The following PLCB1 variants were observed in gnomAD, a reference collection of about 807,000 sequenced individuals.
The protein encoded by PLCB1 is phospholipase C beta 1, also known as 1-phosphatidylinositol 4,5-bisphosphate phosphodiesterase beta-1.
A neutral mutation model predicts 161.8 loss-of-function variants in PLCB1; 46 were observed. That is an observed-to-expected ratio of 0.28 (90% confidence interval 0.22 to 0.36). The LOEUF is 0.36. PLCB1 is among the 10% of genes least tolerant of loss of function. The pLI is 1.00. For missense variants in PLCB1, 1,016 were observed against 1,472.5 expected (o/e 0.69, Z 5.07); for synonymous variants, 517 against 503.7 (o/e 1.03, Z -0.35).
chr20:8,678,322 A>C (rs1990136214), intron 9 of PLCB1, among the ~76,000 whole-genome samples: 1 of 152,216 alleles, frequency 6.6e-6, no homozygotes, highest in African/African-American at 2.4e-5. Flanking sequence ...TAATGTATAC[A>C]TGTGCTACAG....
intron 3 of PLCB1, among the ~76,000 whole-genome samples, chr20:8,588,466 T>A (rs745369074): frequency 3.9e-5 from 6 of 152,146 alleles, no homozygotes; most frequent in Non-Finnish European, 7.4e-5. Context: ...ACCCCTAATG[T>A]GACTTTATTT....
intron 2 of PLCB1, among the ~76,000 whole-genome samples, chr20:8,367,468 G>A (rs1054425018): frequency 6.6e-6 from 1 of 152,178 alleles, no homozygotes; most frequent in African/African-American, 2.4e-5. Flanking sequence ...TGTAATGCAG[G>A]CTACAGTTGG....
intron 2 of PLCB1, among the ~76,000 whole-genome samples, chr20:8,300,860 C>T (rs934622395): frequency 2.0e-5 from 3 of 152,134 alleles, no homozygotes; most frequent in Non-Finnish European, 4.4e-5. Context: ...GATATATCCT[C>T]ACTATAGCCC....
intron 31 of PLCB1, among the ~76,000 whole-genome samples, chr20:8,864,392 A>G (rs910678180): frequency 1.8e-4 from 27 of 152,204 alleles, no homozygotes; most frequent in African/African-American, 4.3e-4. Flanking sequence ...AATTTTACAT[A>G]TCTCAGCATA....
intron 2 of PLCB1, among the ~76,000 whole-genome samples, chr20:8,278,199 G>A (rs1386189912): frequency 8.2e-6 from 1 of 121,694 alleles, no homozygotes; most frequent in Non-Finnish European, 1.7e-5. Context: ...GAAAACAAAA[G>A]CAAGGTGCAG....
intron 2 of PLCB1, among the ~76,000 whole-genome samples, chr20:8,166,336 A>T (rs2051674634): frequency 6.6e-6 from 1 of 152,236 alleles, no homozygotes; most frequent in African/African-American, 2.4e-5. Context: ...GTGGTGCTTG[A>T]TTATTTTTAT....
At chr20:8,175,463 AT>A (rs2123076878) in intron 2 of PLCB1, among the ~76,000 whole-genome samples, 1 of 31,944 alleles carries the variant, frequency 3.1e-5, no homozygotes, top group East Asian at 2.4e-4. Context: ...ATAAGTAAAA[AT>A]AAAAAAAAAA....
intron 3 of PLCB1, among the ~76,000 whole-genome samples, chr20:8,445,521 G>A (rs962936651): frequency 3.8e-4 from 58 of 151,938 alleles, no homozygotes; most frequent in South Asian, 6.3e-4. Context: ...GATTGACTTG[G>A]CAATGCGGGC....
At chr20:8,198,785 A>G (rs1427102798) in intron 2 of PLCB1, among the ~76,000 whole-genome samples, 2 of 152,170 alleles carry the variant, frequency 1.3e-5, no homozygotes, top group Admixed American at 6.6e-5. Context: ...GAACTGAATG[A>G]TAGTCTTTGT....
intron 2 of PLCB1, among the ~76,000 whole-genome samples, chr20:8,208,823 A>G (rs1978668554): frequency 1.3e-5 from 2 of 152,176 alleles, no homozygotes; most frequent in Non-Finnish European, 2.9e-5. Context: ...CCTTTCAGAT[A>G]AAAGTGTGCA....
At chr20:8,746,462 A>G (rs1488155282) in intron 23 of PLCB1, among the ~76,000 whole-genome samples, 1 of 152,206 alleles carries the variant, frequency 6.6e-6, no homozygotes, top group Non-Finnish European at 1.5e-5. Context: ...AAAAATAATG[A>G]GCATTTACTG....
chr20:8,375,500 G>C (rs968443431), intron 3 of PLCB1, among the ~76,000 whole-genome samples: 3 of 152,086 alleles, frequency 2.0e-5, no homozygotes, highest in South Asian at 2.1e-4. Flanking sequence ...GTTGTTTTTT[G>C]AAACTTTTTT....
chr20:8,801,483 G>A lies in PLCB1; in HGVS notation c.3423+11222G>A, dbSNP rs180884490. ...CCCATCAGAATATAAGCTCCACAACGGGAAGAGGCTTTGTCTGTTTCGTTC... is the reference window on the plus strand; with the variant it reads ...CCCATCAGAATATAAGCTCCACAACAGGAAGAGGCTTTGTCTGTTTCGTTC... On this transcript the variant is annotated intron_variant, in intron 31 of 31. Transcript: ENST00000338037. Among the ~76,000 whole-genome samples, 6 of 152,142 alleles carry A rather than the reference G, an allele frequency of 3.9e-5. No individual in the cohort carries two copies. In the East Asian group the frequency reaches 5.8e-4, roughly 15 times the overall value.
chr20:8,679,599 G>A (rs889108689), intron 9 of PLCB1, among the ~76,000 whole-genome samples: 1 of 152,144 alleles, frequency 6.6e-6, no homozygotes, highest in African/African-American at 2.4e-5. Context: ...GCAGAATTTT[G>A]AATTGATGTC....
chr20:8,383,685 A>G (rs1406293414), intron 3 of PLCB1, among the ~76,000 whole-genome samples: 3 of 152,188 alleles, frequency 2.0e-5, no homozygotes, highest in Non-Finnish European at 4.4e-5. Context: ...TTCCATATTT[A>G]GTGCTTCCTT....
chr20:8,181,744 G>A (rs1457910063), intron 2 of PLCB1, among the ~76,000 whole-genome samples: 2 of 152,234 alleles, frequency 1.3e-5, no homozygotes, highest in African/African-American at 2.4e-5. Context: ...GGAGGCTAAG[G>A]CAGGAGGATC....
intron 2 of PLCB1, among the ~76,000 whole-genome samples, chr20:8,328,829 C>A (rs189214525): frequency 6.6e-6 from 1 of 152,126 alleles, no homozygotes; most frequent in African/African-American, 2.4e-5. Context: ...AAAGGAAACA[C>A]GGAACATAAG....
intron 3 of PLCB1, among the ~76,000 whole-genome samples, chr20:8,510,596 G>A (rs1000366098): frequency 6.6e-6 from 1 of 151,696 alleles, no homozygotes; most frequent in African/African-American, 2.4e-5. Context: ...TCGCCATGTT[G>A]GCCAGGCTGG....
At chr20:8,298,073 T>C (rs1035348402) in intron 2 of PLCB1, among the ~76,000 whole-genome samples, 1 of 151,660 alleles carries the variant, frequency 6.6e-6, no homozygotes, top group African/African-American at 2.4e-5. Context: ...AGCAGGAGGA[T>C]TGCTTGAGCT....
Sources: gnomAD v4.1 joint callset for allele counts (sites outside exome capture counted in the v4.1 genomes callset) on GRCh38, gnomAD v4.1.1 for gene constraint, MANE v1.5 for transcripts, NCBI Gene and HGNC (gene_info 2026-07-23, HGNC 2026-07-21) for gene names.